Variants in PLEKHG2 observed in about 807,000 individuals in gnomAD.
PLEKHG2 encodes the protein pleckstrin homology domain-containing family G member 2.
In PLEKHG2, 71 loss-of-function variants were observed where a neutral mutation model predicts 104.4. The observed-to-expected ratio is 0.68, with a 90% confidence interval of 0.56 to 0.83. The LOEUF (loss-of-function observed/expected upper bound fraction) is 0.83. Ranked by LOEUF, PLEKHG2 falls within the 40% of genes least tolerant of loss-of-function variation. The probability of loss-of-function intolerance (pLI) is 0.00; values close to 1 mark genes in which losing one functional copy is unlikely to be tolerated. For missense variants in PLEKHG2, 1,730 were observed against 1,809.4 expected (o/e 0.96, Z 0.80); for synonymous variants, 728 against 737.0 (o/e 0.99, Z 0.20).
chr19:39,425,528 T>C lies in PLEKHG2; in HGVS notation c.*234T>C, dbSNP rs57689270. On this transcript the variant is annotated 3_prime_UTR_variant, in exon 19 of 19. Coordinates refer to ENST00000425673, the MANE Select transcript of PLEKHG2 (RefSeq NM_022835.3). ...ATTCTTTCATGCAATGATGTGTATTTTCCCATTCTGGAGGCTGTGGGAGAT... is the reference window on the plus strand; with the variant it reads ...ATTCTTTCATGCAATGATGTGTATTCTCCCATTCTGGAGGCTGTGGGAGAT... 3.9e-3 allele frequency: 2,502 copies of C among 639,432 alleles called. 52 individuals carry two copies. The African/African-American group carries it at 0.042, about 11-fold the overall frequency. 39.6% of individuals were successfully genotyped at this position (639,432 alleles called of 1,614,324 possible).
chr19:39,419,457 G>A (rs1260599456), intron 11 of PLEKHG2, among the ~76,000 whole-genome samples: 1 of 151,312 alleles, frequency 6.6e-6, no homozygotes, highest in African/African-American at 2.4e-5. Context: ...ATTAGCTGGG[G>A]CTGGCCAGGC....
Position 39,422,976 on chromosome 19 carries a change from T to G in PLEKHG2, c.1922T>G (p.Leu641Arg), listed in dbSNP as rs1380709024. Residue 641 changes from leucine to arginine, a missense_variant, in exon 18 of 19, where the codon CTT becomes CGT. Transcript: ENST00000425673. ...ACCAAAATTCCTGACGTGCCCAACC[T>G]TCCTGAAATTCCCAGCCGCTGTGAA... ...CLTKIPDVPN[L>R]PEIPSRCEIP... 1 of 1,614,198 alleles carries G rather than the reference T, an allele frequency of 6.2e-7. No homozygotes were observed. Among genetic ancestry groups the G allele is most frequent in the Non-Finnish European group, 8.5e-7 (1 of 1,180,016 alleles).
Position 39,424,598 on chromosome 19 carries a change from CT to C in PLEKHG2, c.3466del (p.Trp1156GlyfsTer49). On this transcript the variant is annotated frameshift_variant, in exon 19 of 19. Coordinates refer to ENST00000425673, the MANE Select transcript of PLEKHG2 (RefSeq NM_022835.3). LOFTEE classifies it low-confidence loss of function (END_TRUNC). The stretch of plus-strand genomic sequence containing the variant: ...CCCTGCCACAAGTCCTCACAGACAT[CT>C]GGGTCCAAGCCCTCCCAACTTCACC... ...LPLPQVLTDI[W>X]VQALPTSPKQ... The C allele has an allele frequency of 6.2e-7, 1 of 1,614,186 alleles. No homozygotes were observed. The highest frequency in any genetic ancestry group is 1.6e-4 in the Middle Eastern group (1 of 6,062).
At position 39,423,768 on chromosome 19, in the gene PLEKHG2, G is replaced by C. The variant is rs1427139133; in HGVS notation, c.2635G>C (p.Glu879Gln). The change falls in exon 19 of 19, where the codon GAG (glutamate) becomes CAG (glutamine). Residue 879 changes from glutamate (E) to glutamine (Q), a missense_variant. Glu to Gln is a conservative substitution (Grantham distance 29, BLOSUM62 2). Coordinates refer to ENST00000425673, the MANE Select transcript of PLEKHG2 (RefSeq NM_022835.3). Reference sequence around the variant, plus strand: ...TGCCTTTGGACACGTGCTGGTATGTGAGCTGGCCTTCCCACTGACATGTGC... The same window carrying C: ...TGCCTTTGGACACGTGCTGGTATGTCAGCTGGCCTTCCCACTGACATGTGC... ...LPAFGHVLVC[E>Q]LAFPLTCAQE... 6.2e-7 allele frequency: 1 copy of C among 1,613,866 alleles called. No individual in the cohort carries two copies. Among genetic ancestry groups the C allele is most frequent in the Non-Finnish European group, 8.5e-7 (1 of 1,179,792 alleles).
chr19:39,425,310 T>C lies in PLEKHG2; in HGVS notation c.*16T>C. ...CCACATGTGAGCCAGGACATGAGGC[T>C]TCCCTGAAGCAAGGATTTCAGCCAG... On this transcript the variant is annotated 3_prime_UTR_variant, in exon 19 of 19. Transcript: ENST00000425673. 6.3e-7 allele frequency: 1 copy of C among 1,591,870 alleles called. No individual in the cohort carries two copies. Among genetic ancestry groups the C allele is most frequent in the East Asian group, 2.2e-5 (1 of 44,666 alleles).
At position 39,418,030 on chromosome 19, in the gene PLEKHG2, G is replaced by A; in HGVS notation, c.1008G>A (p.Leu336=). 2 of 1,560,150 alleles carry A rather than the reference G, an allele frequency of 1.3e-6. No individual in the cohort carries two copies. The highest frequency in any genetic ancestry group is 1.8e-4 in the Middle Eastern group (1 of 5,682). The change falls in exon 9 of 19, where the codon CTG becomes CTA. Residue 336 remains leucine (L), a synonymous_variant. Coordinates refer to ENST00000425673, the MANE Select transcript of PLEKHG2 (RefSeq NM_022835.3). ...GGPRLRGGER[L]LFLFSRMLLV... ...CCCGGCTACGAGGGGGTGAGCGGCT[G>A]CTCTTCCTGTTCTCTCGGATGCTGC...
rs778375886 is a variant in PLEKHG2 at position 39,415,272 on chromosome 19, A to C, written c.378+12A>C. ...GCAGCATCGTGGAGGTAAGGCGGGC[A>C]GACACCAGAGGGCAGTGGGTACCCA... On this transcript the variant is annotated intron_variant, in intron 3 of 18. Coordinates refer to ENST00000425673, the MANE Select transcript of PLEKHG2 (RefSeq NM_022835.3). The surrounding 1 kb of genome is among the most constrained non-coding windows in gnomAD (Gnocchi z 4.6). 1.5e-5 allele frequency: 24 copies of C among 1,599,524 alleles called. No individual in the cohort carries two copies. The South Asian group carries it at 2.6e-4, about 17-fold the overall frequency.
At position 39,417,708 on chromosome 19, in the gene PLEKHG2, G is replaced by A. The variant is rs1175561886; in HGVS notation, c.882+16G>A. The A allele has an allele frequency of 6.2e-7, 1 of 1,610,268 alleles. No homozygotes were observed. Among genetic ancestry groups the A allele is most frequent in the South Asian group, 1.1e-5 (1 of 90,944 alleles). ...GCGCCTCCAGGTGGCCCCAGGGTGG[G>A]CTGGGGCTTGCTGGATGAGGGAGTG... On this transcript the variant is annotated intron_variant, in intron 8 of 18. Transcript: ENST00000425673.
intron 11 of PLEKHG2, 53 bp downstream of exon 11, chr19:39,419,056 C>A: frequency 6.7e-7 from 1 of 1,496,066 alleles, no homozygotes; most frequent in Non-Finnish European, 9.0e-7. Context: ...ACACCCTCCC[C>A]CAATAGTACT....
At chr19:39,420,599 C>G (rs1186939556) in intron 11 of PLEKHG2, 27 bp from the exon 12 acceptor site, 2 of 1,614,110 alleles carry the variant, frequency 1.2e-6, no homozygotes, top group East Asian at 2.2e-5. Flanking sequence ...ATCGACCCAC[C>G]TCAGCCCTCA....
In PLEKHG2 at chr19:39,423,601, T is replaced by C. The variant is rs2078735448; in HGVS notation, c.2547T>C (p.Val849=). 6.5e-7 allele frequency: 1 copy of C among 1,535,282 alleles called. No individual in the cohort carries two copies. The highest frequency in any genetic ancestry group is 1.4e-5 in the African/African-American group (1 of 72,456). ...ATGCCCCGCGCCGCCGGCCTCGGGT[T>C]CTGGCCCAACCCCAGCCATCCCCCT... ...SANAPRRRPR[V]LAQPQPSPCL... is the part of the protein sequence containing the mutation. The change falls in exon 18 of 19, where the codon GTT becomes GTC. Residue 849 remains valine (V), a synonymous_variant. Coordinates refer to ENST00000425673, the MANE Select transcript of PLEKHG2 (RefSeq NM_022835.3).
In PLEKHG2 at chr19:39,417,979, G is replaced by T. The variant is rs113017292; in HGVS notation, c.957G>T (p.Ala319=). ...SAFGELVLEG[A]FRGGGGGGPR... is the part of the protein sequence containing the mutation. The stretch of plus-strand genomic sequence containing the variant: ...TTGGGGAACTGGTGTTGGAGGGCGC[G>T]TTCCGAGGAGGCGGAGGGGGTGGCC... Residue 319 remains alanine, a synonymous_variant, in exon 9 of 19, where the codon GCG becomes GCT. Transcript: ENST00000425673. 66 of 1,548,694 alleles carry T rather than the reference G, an allele frequency of 4.3e-5. No homozygotes were observed. In the African/African-American group the frequency reaches 5.0e-4, roughly 12 times the overall value.
rs763695353 is a variant in PLEKHG2 at position 39,424,999 on chromosome 19, G to A, written c.3866G>A (p.Ser1289Asn). 2 of 1,610,194 alleles carry A rather than the reference G, an allele frequency of 1.2e-6. No homozygotes were observed. The highest frequency in any genetic ancestry group is 1.7e-6 in the Non-Finnish European group (2 of 1,177,538). The change falls in exon 19 of 19, where the codon AGC (serine) becomes AAC (asparagine). Residue 1289 changes from serine to asparagine, a missense_variant. Coordinates refer to ENST00000425673, the MANE Select transcript of PLEKHG2 (RefSeq NM_022835.3). ...RYLAASYISQ[S>N]LARRQGPGGG... ...CTGGCAGCCTCATATATCAGCCAGA[G>A]CCTGGCTCGGCGGCAGGGGCCTGGG...
intron 2 of PLEKHG2, 60 bp downstream of exon 2, chr19:39,414,255 C>A: frequency 6.7e-7 from 1 of 1,498,170 alleles, no homozygotes; most frequent in South Asian, 1.2e-5. Flanking sequence ...GCAATGCTGT[C>A]AAGGCAGGGT....
chr19:39,417,683 G>T lies in PLEKHG2; in HGVS notation c.873G>T (p.Ala291=). 6.2e-7 allele frequency: 1 copy of T among 1,612,824 alleles called. No individual in the cohort carries two copies. The highest frequency in any genetic ancestry group is 8.5e-7 in the Non-Finnish European group (1 of 1,179,750). The change falls in exon 8 of 19, where the codon GCG becomes GCT. Residue 291 remains alanine, a synonymous_variant. Transcript: ENST00000425673. ...TGAAGCGCAAGCAGGAGCATGCAGC[G>T]CGCCTCCAGGTGGCCCCAGGGTGGG... is the stretch of plus-strand genomic sequence containing the variant. ...NDMKRKQEHA[A]RLQEVQRRLG...
In PLEKHG2 at chr19:39,418,327, C is replaced by T. The variant is rs529292060; in HGVS notation, c.1083+222C>T. On this transcript the variant is annotated intron_variant, in intron 9 of 18. Transcript: ENST00000425673. ...GGCGTGGTGGCTCATTCCTGTAATCCGAGCACTTTGGGAGGTCAAGGCGGG... is the reference window on the plus strand; with the variant it reads ...GGCGTGGTGGCTCATTCCTGTAATCTGAGCACTTTGGGAGGTCAAGGCGGG... Among the ~76,000 whole-genome samples the T allele has an allele frequency of 3.2e-3, 484 of 152,182 alleles. 3 individuals carry two copies. Among genetic ancestry groups the T allele is most frequent in the Admixed American group, 3.4e-3 (52 of 15,272 alleles).
intron 11 of PLEKHG2, among the ~76,000 whole-genome samples, chr19:39,419,737 C>T (rs539520478): frequency 8.5e-5 from 13 of 152,138 alleles, no homozygotes; most frequent in Admixed American, 2.6e-4. Flanking sequence ...ATTAGCCAGG[C>T]GTGGTGGCAG....
Position 39,425,124 on chromosome 19 carries a change from A to G in PLEKHG2, c.3991A>G (p.Arg1331Gly), listed in dbSNP as rs1428381682. The G allele has an allele frequency of 3.8e-6, 6 of 1,585,190 alleles. No individual in the cohort carries two copies. In the East Asian group the frequency reaches 1.1e-4, roughly 30 times the overall value. ...PQPQPPPPPA[R>G]RLSYATTVNI... ...GCCCCAGCCACCACCTCCCCCAGCC[A>G]GGCGGCTCAGCTATGCCACGACGGT... The change falls in exon 19 of 19, where the codon AGG (arginine) becomes GGG (glycine). Residue 1331 changes from arginine to glycine, a missense_variant. By Grantham distance (125) the Arg-to-Gly change is moderately radical (BLOSUM62 -2). Coordinates refer to ENST00000425673, the MANE Select transcript of PLEKHG2 (RefSeq NM_022835.3).
In PLEKHG2 at chr19:39,414,141, TGTGGCCGAA is replaced by T. The variant is rs2078563838; in HGVS notation, c.57_65del (p.Cys19_Arg22delinsTer). ...CTCCAAACCTAGCCCAAGCCTCGGG[TGTGGCCGAA>T]GAGGTGAAGTGTGTGACTGTGGCAC... On this transcript the variant is annotated stop_gained and inframe_deletion, in exon 2 of 19. Coordinates refer to ENST00000425673, the MANE Select transcript of PLEKHG2 (RefSeq NM_022835.3). LOFTEE classifies it high-confidence loss of function. The T allele has an allele frequency of 1.9e-6, 3 of 1,551,368 alleles. No individual in the cohort carries two copies. The highest frequency in any genetic ancestry group is 2.6e-6 in the Non-Finnish European group (3 of 1,146,892).
Sources: gnomAD v4.1 joint callset for allele counts (sites outside exome capture counted in the v4.1 genomes callset) on GRCh38, gnomAD v4.1.1 for gene constraint, Gnocchi (gnomAD v3.1) non-coding constraint, MANE v1.5 for transcripts, NCBI Gene and HGNC (gene_info 2026-07-23, HGNC 2026-07-21) for gene names.